The following MCPH1 variants were observed in gnomAD, a reference collection of about 807,000 sequenced individuals.
The protein encoded by MCPH1 is microcephalin 1.
A neutral mutation model predicts 84.5 loss-of-function variants in MCPH1; 104 were observed. The ratio of observed to expected loss-of-function variants is 1.23; its 90% CI spans 1.05 to 1.45. The LOEUF is 1.45. MCPH1 is among the 40% of genes most tolerant of loss of function. The pLI is 0.00. For synonymous variants in MCPH1, 514 were observed against 366.8 expected (o/e 1.40, Z -4.58); for missense variants, 1,498 against 1,005.7 (o/e 1.49, Z -6.62).
At chr8:6,626,775 G>C in intron 13 of MCPH1, 1 of 985,226 alleles carries the variant, frequency 1.0e-6, no homozygotes, top group East Asian at 1.1e-4. Flanking sequence ...GCCCTGGCGC[G>C]GTCCTCAAGG....
chr8:6,477,819 A>G (rs1808678844), intron 10 of MCPH1, among the ~76,000 whole-genome samples, 188 bp downstream of exon 10: 1 of 152,238 alleles, frequency 6.6e-6, no homozygotes, highest in Admixed American at 6.5e-5. Context: ...TTAGCCTTGA[A>G]AACTCTGGGG....
At chr8:6,595,728 G>T (rs930782519) in intron 12 of MCPH1, among the ~76,000 whole-genome samples, 4 of 152,196 alleles carry the variant, frequency 2.6e-5, no homozygotes, top group African/African-American at 9.6e-5. Context: ...AGTGAAGAGT[G>T]CACTGTCCAA....
intron 7 of MCPH1, among the ~76,000 whole-genome samples, chr8:6,442,850 G>A (rs1040638072): frequency 6.6e-6 from 1 of 152,166 alleles, no homozygotes; most frequent in South Asian, 2.1e-4. Context: ...ATGACAAAGC[G>A]CAAGATGGCA....
intron 9 of MCPH1, among the ~76,000 whole-genome samples, chr8:6,456,341 C>T (rs1305000549): frequency 6.6e-6 from 1 of 152,218 alleles, no homozygotes; most frequent in Non-Finnish European, 1.5e-5. Flanking sequence ...GCTCAGCGCG[C>T]TGCCTCCCAG....
At position 6,507,161 on chromosome 8, in the gene MCPH1, G is replaced by C. The variant is rs531183639; in HGVS notation, c.2214+7232G>C. Among the ~76,000 whole-genome samples, 80 of 152,266 alleles carry C rather than the reference G, an allele frequency of 5.3e-4. 1 individual carries two copies. Among genetic ancestry groups the C allele is most frequent in the Admixed American group, 1.9e-3 (29 of 15,294 alleles). On this transcript the variant is annotated intron_variant, in intron 12 of 13. Transcript: ENST00000344683. ...GATCCATCCACCTTGGCCTCCCAAA[G>C]TGCTGGGATTACAAGCGGGGGCCAC...
intron 11 of MCPH1, among the ~76,000 whole-genome samples, chr8:6,485,849 A>G (rs557112586): frequency 1.7e-4 from 26 of 152,242 alleles, no homozygotes; most frequent in African/African-American, 5.5e-4. Flanking sequence ...GGTAAACGCA[A>G]TGGTAACCGC....
chr8:6,436,620 GA>G (rs1802673320), intron 5 of MCPH1, among the ~76,000 whole-genome samples: 1 of 151,026 alleles, frequency 6.6e-6, no homozygotes, highest in Admixed American at 6.6e-5. Context: ...AGATGTCTTA[GA>G]AAAAAATATA....
At chr8:6,566,128 C>T (rs1184682797) in intron 12 of MCPH1, among the ~76,000 whole-genome samples, 3 of 152,160 alleles carry the variant, frequency 2.0e-5, no homozygotes, top group South Asian at 2.1e-4. Context: ...AAGCTTTATT[C>T]GTGATACTGA....
intron 13 of MCPH1, chr8:6,627,275 G>C (rs988404979): frequency 4.1e-6 from 4 of 985,428 alleles, no homozygotes; most frequent in Non-Finnish European, 4.8e-6. Flanking sequence ...CCTCGATAAG[G>C]AACCAGTCGC....
intron 3 of MCPH1, among the ~76,000 whole-genome samples, chr8:6,429,441 G>C (rs1475923928): frequency 1.3e-5 from 2 of 151,756 alleles, no homozygotes; most frequent in East Asian, 3.9e-4. Flanking sequence ...CTTCACCTGC[G>C]CCTCCTGCCC....
chr8:6,470,382 C>A (rs1039820433), intron 9 of MCPH1, among the ~76,000 whole-genome samples: 3 of 152,150 alleles, frequency 2.0e-5, no homozygotes, highest in African/African-American at 7.2e-5. Flanking sequence ...CTCCCGGGTT[C>A]AAGCGATTCT....
intron 4 of MCPH1, among the ~76,000 whole-genome samples, chr8:6,434,636 G>T (rs73661726): frequency 0.01 from 1,529 of 152,308 alleles, 26 homozygotes; most frequent in African/African-American, 0.036. Context: ...ATAAAGTCAT[G>T]TTTTTTGTCA....
At chr8:6,599,289 A>AT (rs1442991009) in intron 12 of MCPH1, among the ~76,000 whole-genome samples, 5 of 151,822 alleles carry the variant, frequency 3.3e-5, no homozygotes, top group South Asian at 2.1e-4. Flanking sequence ...TACCTTTGGA[A>AT]TTTTTTTTTC....
intron 12 of MCPH1, among the ~76,000 whole-genome samples, chr8:6,510,842 T>A (rs1202638047): frequency 6.6e-6 from 1 of 152,208 alleles, no homozygotes; most frequent in Non-Finnish European, 1.5e-5. Flanking sequence ...CCCTAGAAAC[T>A]TCATCCTAAG....
intron 12 of MCPH1, among the ~76,000 whole-genome samples, chr8:6,511,608 A>G (rs2129566944): frequency 6.6e-6 from 1 of 152,342 alleles, no homozygotes; most frequent in Non-Finnish European, 1.5e-5. Context: ...ATTTGCAGTT[A>G]TGAGAAGTTT....
chr8:6,632,689 G>C (rs1167287370), intron 13 of MCPH1, among the ~76,000 whole-genome samples: 1 of 152,050 alleles, frequency 6.6e-6, no homozygotes, highest in African/African-American at 2.4e-5. Context: ...CGTGCCTGTA[G>C]TCCCAGCTAC....
intron 12 of MCPH1, among the ~76,000 whole-genome samples, chr8:6,549,510 G>A (rs1823219062): frequency 6.6e-6 from 1 of 152,142 alleles, no homozygotes; most frequent in African/African-American, 2.4e-5. Context: ...TCTGTATCTT[G>A]AGCTGGGCAG....
intron 3 of MCPH1, among the ~76,000 whole-genome samples, chr8:6,421,884 T>A (rs1389781788): frequency 6.6e-6 from 1 of 152,180 alleles, no homozygotes; most frequent in African/African-American, 2.4e-5. Flanking sequence ...AAGGCTACAC[T>A]CTTTCTGCCT....
At chr8:6,441,977 C>G in intron 6 of MCPH1, 90 bp from the exon 7 acceptor site, 1 of 855,938 alleles carries the variant, frequency 1.2e-6, no homozygotes, top group Non-Finnish European at 2.0e-6. Flanking sequence ...AATAGAATCA[C>G]CTATGATTAA....
Sources: allele counts gnomAD v4.1 joint callset (sites outside exome capture counted in the v4.1 genomes callset), GRCh38; gene constraint gnomAD v4.1.1; transcripts MANE v1.5; gene names NCBI Gene and HGNC (gene_info 2026-07-23, HGNC 2026-07-21).